ABCD2: variants seen among roughly 807,000 people sequenced by gnomAD.
ABCD2 encodes ATP-binding cassette sub-family D member 2.
Under a neutral mutation model 70.9 loss-of-function variants are expected in ABCD2, and 36 were observed. The observed-to-expected ratio is 0.51, with a 90% CI of 0.39 to 0.67. The LOEUF (loss-of-function observed/expected upper bound fraction) is 0.67, where lower values mean the gene tolerates loss of function less well. Ranked by LOEUF, ABCD2 falls within the 30% of genes least tolerant of loss-of-function variation. The pLI is 0.00. For synonymous variants in ABCD2, 304 were observed against 306.9 expected, an observed-to-expected ratio of 0.99 and a Z score of 0.10; for missense variants, 729 against 890.2, an observed-to-expected ratio of 0.82 and a Z score of 2.30.
At chr12:39,575,295 CAACCTCTACTCTAGCAGATGT>C (rs1383636810) in intron 8 of ABCD2, among the ~76,000 whole-genome samples, 3 of 152,100 alleles carry the variant, frequency 2.0e-5, no homozygotes, top group Non-Finnish European at 2.9e-5. Context: ...GTTGTCATAG[CAACCTCTACTCTAGCAGATGT>C]AAGATCACAT....
At chr12:39,546,412 CTAAA>C (rs1307630640), downstream of ABCD2, among the ~76,000 whole-genome samples, 1 of 151,994 alleles carries the variant, frequency 6.6e-6, no homozygotes, top group Non-Finnish European at 1.5e-5. Context: ...TGAATACTAA[CTAAA>C]TAAGACAAGC....
At position 39,569,885 on chromosome 12, in the gene ABCD2, A is replaced by G. The variant is rs75555067; in HGVS notation, c.2003+3831T>C. Among the ~76,000 whole-genome samples, 373 of 152,308 alleles carry G rather than the reference A, an allele frequency of 2.4e-3. 2 individuals carry two copies. The highest frequency in any genetic ancestry group is 8.5e-3 in the African/African-American group (353 of 41,566). ...CATTAGATTTATAAATGAATTCAGG[A>G]AAGTTGCAAGATACAAAATCAGTAT... On this transcript the variant is annotated intron_variant, in intron 9 of 9. Coordinates refer to ENST00000308666, the MANE Select transcript of ABCD2 (RefSeq NM_005164.4).
chr12:39,587,567 C>T (rs1398099874), intron 6 of ABCD2, among the ~76,000 whole-genome samples: 7 of 152,052 alleles, frequency 4.6e-5, no homozygotes, highest in Middle Eastern at 6.4e-3. Context: ...TATAGACATA[C>T]CCATTTATAT....
At chr12:39,566,740 T>TCTTTCCTG (rs2120568124) in intron 9 of ABCD2, among the ~76,000 whole-genome samples, 1 of 152,358 alleles carries the variant, frequency 6.6e-6, no homozygotes, top group Admixed American at 6.5e-5. Flanking sequence ...CAATTTTAGA[T>TCTTTCCTG]CTTTCCTGCT....
intron 3 of ABCD2, among the ~76,000 whole-genome samples, chr12:39,607,176 C>T (rs1040836889): frequency 4.6e-5 from 7 of 152,172 alleles, no homozygotes; most frequent in African/African-American, 1.7e-4. Context: ...AAATTTTCTA[C>T]ATGTATCAAC....
chr12:39,534,998 C>T, the ABCD2 span, among the ~76,000 whole-genome samples: 30 of 151,990 alleles, frequency 2.0e-4, no homozygotes, highest in African/African-American at 6.5e-4. Context: ...ACCTGGCTTG[C>T]GCTGTCTGAC....
the ABCD2 span, among the ~76,000 whole-genome samples, chr12:39,541,726 A>C: frequency 6.6e-6 from 1 of 152,208 alleles, no homozygotes; most frequent in African/African-American, 2.4e-5. Context: ...TGCTCCTCTT[A>C]ATAGCCCTAA....
chr12:39,597,826 G>A (rs1360856404), intron 6 of ABCD2, among the ~76,000 whole-genome samples: 3 of 152,108 alleles, frequency 2.0e-5, no homozygotes, highest in Admixed American at 2.0e-4. Flanking sequence ...ATAGGATAAA[G>A]GGAAGCTGTT....
chr12:39,569,354 G>C (rs549183252), intron 9 of ABCD2, among the ~76,000 whole-genome samples: 1 of 152,202 alleles, frequency 6.6e-6, no homozygotes, highest in African/African-American at 2.4e-5. Context: ...CCTTGCTGCC[G>C]TCTTGCAGTT....
At chr12:39,580,460 TA>T (rs1218802169) in intron 7 of ABCD2, among the ~76,000 whole-genome samples, 1 of 152,220 alleles carries the variant, frequency 6.6e-6, no homozygotes, top group Non-Finnish European at 1.5e-5. Flanking sequence ...ATCTGTACAT[TA>T]AAAATCAAGT....
intron 8 of ABCD2, among the ~76,000 whole-genome samples, chr12:39,577,069 G>GA (rs879645462): frequency 1.1e-3 from 166 of 149,792 alleles, no homozygotes; most frequent in African/African-American, 1.8e-3. Context: ...CCAAGACTGG[G>GA]AAAAAAAAAT....
At chr12:39,584,874 T>C (rs1467186565) in intron 7 of ABCD2, among the ~76,000 whole-genome samples, 4 of 152,220 alleles carry the variant, frequency 2.6e-5, no homozygotes, top group African/African-American at 9.6e-5. Context: ...TTCATTGGTC[T>C]CTGTGCCTGT....
chr12:39,592,292 C>T (rs1472250571), intron 6 of ABCD2, among the ~76,000 whole-genome samples: 5 of 152,060 alleles, frequency 3.3e-5, no homozygotes, highest in Non-Finnish European at 7.4e-5. Flanking sequence ...ATATTTATCC[C>T]CATCATAAAG....
chr12:39,615,415 C>T (rs1318231012), intron 2 of ABCD2, among the ~76,000 whole-genome samples: 3 of 151,898 alleles, frequency 2.0e-5, no homozygotes, highest in African/African-American at 7.2e-5. Context: ...GTCACTCTCG[C>T]TAATACTCTT....
rs547042115 is a variant in ABCD2 at position 39,581,859 on chromosome 12, A to AG, written c.1793-2241dup. Among the ~76,000 whole-genome samples the AG allele has an allele frequency of 3.4e-3, 521 of 152,354 alleles. 4 individuals are homozygous for AG. Among genetic ancestry groups the AG allele is most frequent in the Non-Finnish European group, 6.0e-3 (410 of 68,026 alleles). On this transcript the variant is annotated intron_variant, in intron 7 of 9. Transcript: ENST00000308666. ...ATAATGTTGCCTCTGACCCTGATTT[A>AG]GTGAGACAAAGTCAGCAAAGAAGAG...
chr12:39,562,706 G>C (rs1380747759), intron 9 of ABCD2, among the ~76,000 whole-genome samples: 1 of 152,064 alleles, frequency 6.6e-6, no homozygotes, highest in East Asian at 1.9e-4. Flanking sequence ...CCCAGAATCT[G>C]ATGGCTTAAC....
intron 5 of ABCD2, among the ~76,000 whole-genome samples, chr12:39,602,015 A>G (rs1187957751): frequency 1.3e-5 from 2 of 151,732 alleles, no homozygotes; most frequent in Non-Finnish European, 2.9e-5. Flanking sequence ...GTAATTGGAG[A>G]CTTTCTACAT....
intron 5 of ABCD2, among the ~76,000 whole-genome samples, chr12:39,603,251 TA>T (rs1029982321): frequency 5.4e-4 from 82 of 152,312 alleles, no homozygotes; most frequent in African/African-American, 1.9e-3. Flanking sequence ...CTCAACTTGC[TA>T]TATTATGTCA....
chr12:39,572,111 A>G (rs1412814323), intron 9 of ABCD2, among the ~76,000 whole-genome samples: 1 of 152,228 alleles, frequency 6.6e-6, no homozygotes, highest in Non-Finnish European at 1.5e-5. Context: ...TTTGTTATTT[A>G]CTTAAAAAGA....
Sources: gnomAD v4.1 joint callset for allele counts (sites outside exome capture counted in the v4.1 genomes callset) on GRCh38, gnomAD v4.1.1 for gene constraint, MANE v1.5 for transcripts, NCBI Gene and HGNC (gene_info 2026-07-23, HGNC 2026-07-21) for gene names.